SLIT1: variants seen among roughly 807,000 people sequenced by gnomAD.
The protein encoded by SLIT1 is slit homolog 1 protein.
In SLIT1, 66 loss-of-function variants were observed where a neutral mutation model predicts 186.1. That is an observed-to-expected ratio of 0.35 (90% CI 0.29 to 0.44). The LOEUF (loss-of-function observed/expected upper bound fraction) is 0.44. SLIT1 is among the 20% of genes least tolerant of loss of function. The pLI is 1.00. For synonymous variants in SLIT1, 761 were observed against 833.8 expected (o/e 0.91, Z 1.50); for missense variants, 1,638 against 2,037.4 (o/e 0.80, Z 3.77).
chr10:97,125,533 CAAAA>C (rs34143370), intron 4 of SLIT1, among the ~76,000 whole-genome samples: 10 of 115,544 alleles, frequency 8.7e-5, no homozygotes, highest in Admixed American at 1.9e-4. Flanking sequence ...GACCCTGTGT[CAAAA>C]AAAAAAAAAA....
chr10:97,104,311 C>T (rs1424837702), intron 4 of SLIT1, among the ~76,000 whole-genome samples: 4 of 151,884 alleles, frequency 2.6e-5, no homozygotes, highest in African/African-American at 7.3e-5. Context: ...AGTCCAGGGT[C>T]GCTGGAGTGA....
At chr10:97,056,738 G>A (rs1848840318) in intron 12 of SLIT1, among the ~76,000 whole-genome samples, 1 of 147,882 alleles carries the variant, frequency 6.8e-6, no homozygotes, top group African/African-American at 2.6e-5. Context: ...GGAAAGCAGA[G>A]AGCCACCTTG....
chr10:97,177,206 C>T (rs776161340), intron 1 of SLIT1, among the ~76,000 whole-genome samples: 2 of 152,176 alleles, frequency 1.3e-5, no homozygotes, highest in African/African-American at 2.4e-5. Context: ...TGAATACTCT[C>T]CAGAGTAACC....
chr10:97,035,346 C>T (rs1181712662), intron 22 of SLIT1, among the ~76,000 whole-genome samples: 1 of 152,090 alleles, frequency 6.6e-6, no homozygotes, highest in Non-Finnish European at 1.5e-5. Flanking sequence ...CCCAGCCTGT[C>T]CTCTCATGAA....
At chr10:97,131,532 C>T (rs77428028) in intron 4 of SLIT1, among the ~76,000 whole-genome samples, 37 of 152,178 alleles carry the variant, frequency 2.4e-4, no homozygotes, top group African/African-American at 6.5e-4. Flanking sequence ...ATTGACACCC[C>T]GCTACCAGCC....
intron 28 of SLIT1, among the ~76,000 whole-genome samples, chr10:97,016,709 A>G (rs1848457758): frequency 6.6e-6 from 1 of 152,242 alleles, no homozygotes; most frequent in Non-Finnish European, 1.5e-5. Flanking sequence ...TAATATTTAT[A>G]ATATCTGGAA....
chr10:97,057,721 G>A, intron 11 of SLIT1: 1 of 441,240 alleles, frequency 2.3e-6, no homozygotes, highest in Non-Finnish European at 4.1e-6. Flanking sequence ...CATATGCAGT[G>A]TGAGATCCGG....
Position 97,141,032 on chromosome 10 carries a change from G to A in SLIT1, c.413+16786C>T, listed in dbSNP as rs187405457. Among the ~76,000 whole-genome samples, 38 of 152,236 alleles carry A rather than the reference G, an allele frequency of 2.5e-4. 1 individual carries two copies. The East Asian group carries it at 5.0e-3, about 20-fold the overall frequency. On this transcript the variant is annotated intron_variant, in intron 4 of 36. Coordinates refer to ENST00000266058, the MANE Select transcript of SLIT1 (RefSeq NM_003061.3). ...AACCATCCGAAACACCGCTTGGGTCGGCTTCTTCCCTACTCGCAAGTCCTC... is the reference window on the plus strand; with the variant it reads ...AACCATCCGAAACACCGCTTGGGTCAGCTTCTTCCCTACTCGCAAGTCCTC...
Position 97,149,619 on chromosome 10 carries a change from A to G in SLIT1, c.413+8199T>C, listed in dbSNP as rs959280547. 2.0e-5 allele frequency among the ~76,000 whole-genome samples: 3 copies of G among 152,104 alleles called. No homozygotes were observed. In the South Asian group the frequency reaches 6.2e-4, roughly 32 times the overall value. On this transcript the variant is annotated intron_variant, in intron 4 of 36. Coordinates refer to ENST00000266058, the MANE Select transcript of SLIT1 (RefSeq NM_003061.3). ...GCCCTTCCACACTGACTGACTCAGA[A>G]TCTCTGAGTGTGACCCTGGGAATCT... is the stretch of plus-strand genomic sequence containing the variant.
At chr10:97,118,516 G>A (rs1008497026) in intron 4 of SLIT1, among the ~76,000 whole-genome samples, 1 of 152,116 alleles carries the variant, frequency 6.6e-6, no homozygotes, top group Admixed American at 6.5e-5. Flanking sequence ...ACCCATCAAA[G>A]CGCTCCTCTA....
chr10:97,178,830 A>T (rs1315479729), intron 1 of SLIT1, among the ~76,000 whole-genome samples: 1 of 152,134 alleles, frequency 6.6e-6, no homozygotes, highest in Non-Finnish European at 1.5e-5. Flanking sequence ...TGATAAAGCA[A>T]ATTGGATTGT....
At position 97,030,786 on chromosome 10, in the gene SLIT1, G is replaced by T. The variant is rs538810110; in HGVS notation, c.2553C>A (p.Ile851=). Residue 851 remains isoleucine, a synonymous_variant, in exon 25 of 37, where the codon ATC becomes ATA. Coordinates refer to ENST00000266058, the MANE Select transcript of SLIT1 (RefSeq NM_003061.3). ...GAGACAGGGAGGTCACGTCTGCAAA[G>T]ATGCCCTCTTGGAGGGTGGAGATGT... ...GNDISTLQEG[I]FADVTSLSHL... 2 of 1,614,112 alleles carry T rather than the reference G, an allele frequency of 1.2e-6. No homozygotes were observed. The highest frequency in any genetic ancestry group is 1.1e-5 in the South Asian group (1 of 91,042).
chr10:97,112,648 T>C (rs1036231855), intron 4 of SLIT1, among the ~76,000 whole-genome samples: 4 of 152,232 alleles, frequency 2.6e-5, no homozygotes, highest in African/African-American at 9.6e-5. Context: ...ACATAATCTG[T>C]AACCCAAAAC....
intron 35 of SLIT1, 109 bp downstream of exon 35, chr10:97,002,595 G>A (rs1848320901): frequency 1.8e-6 from 2 of 1,091,458 alleles, no homozygotes; most frequent in South Asian, 1.7e-5. Context: ...ATAAAACCCT[G>A]GCTTAGGCTA....
chr10:97,095,411 G>A (rs1317303193), intron 4 of SLIT1, among the ~76,000 whole-genome samples: 1 of 152,194 alleles, frequency 6.6e-6, no homozygotes, highest in African/African-American at 2.4e-5. Flanking sequence ...TCCCATGGAA[G>A]GTCCCTCTTC....
At chr10:97,037,046 CT>C (rs1161317950) in intron 22 of SLIT1, among the ~76,000 whole-genome samples, 1 of 133,490 alleles carries the variant, frequency 7.5e-6, no homozygotes, top group African/African-American at 2.8e-5. Context: ...GAATAACCCC[CT>C]TTGTGTGTGT....
intron 1 of SLIT1, among the ~76,000 whole-genome samples, chr10:97,180,769 G>A (rs530008942): frequency 5.3e-5 from 8 of 152,180 alleles, no homozygotes; most frequent in Admixed American, 1.3e-4. Flanking sequence ...GACAGACTGC[G>A]CTCTAAGCAG....
At chr10:97,023,370 T>G (rs1317016076) in intron 25 of SLIT1, among the ~76,000 whole-genome samples, 1 of 151,944 alleles carries the variant, frequency 6.6e-6, no homozygotes, top group Non-Finnish European at 1.5e-5. Context: ...CTGGCTCCTT[T>G]TTGTGTGGTG....
intron 4 of SLIT1, among the ~76,000 whole-genome samples, chr10:97,119,913 G>T (rs1482027193): frequency 3.5e-5 from 2 of 56,510 alleles, no homozygotes; most frequent in South Asian, 7.2e-4. Flanking sequence ...TTCCAAAGGG[G>T]TATATATATA....
Sources: gnomAD v4.1 joint callset for allele counts (sites outside exome capture counted in the v4.1 genomes callset) on GRCh38, gnomAD v4.1.1 for gene constraint, MANE v1.5 for transcripts, NCBI Gene and HGNC (gene_info 2026-07-23, HGNC 2026-07-21) for gene names.